Variants in CFAP100 observed in about 807,000 individuals in gnomAD.
The protein encoded by CFAP100 is cilia and flagella associated protein 100.
CFAP100 carries 70 observed loss-of-function variants against 81.5 expected under a neutral mutation model. The ratio of observed to expected loss-of-function variants is 0.86; its 90% CI spans 0.71 to 1.05. The LOEUF (loss-of-function observed/expected upper bound fraction) is 1.05, where lower values mean the gene tolerates loss of function less well. CFAP100 is among the 50% of genes least tolerant of loss of function. CFAP100 has a pLI of 0.00. For synonymous variants in CFAP100, 341 were observed against 314.8 expected (o/e 1.08, Z -0.88); for missense variants, 811 against 776.5 (o/e 1.04, Z -0.53).
rs776319316 is a variant in CFAP100 at position 126,436,453 on chromosome 3, G to C, written c.*49G>C. ...GGCTGAAGGCTTAGCAAAGATGTTG[G>C]CAGAGGAAGCAGAGACTGGGCTGGG... On this transcript the variant is annotated 3_prime_UTR_variant, in exon 17 of 17. Coordinates refer to ENST00000352312, the MANE Select transcript of CFAP100 (RefSeq NM_182628.3). 1 of 1,419,182 alleles carries C rather than the reference G, an allele frequency of 7.0e-7. No homozygotes were observed. 87.9% of individuals were successfully genotyped at this position (1,419,182 alleles called of 1,614,324 possible).
chr3:126,434,485 C>T lies in CFAP100; in HGVS notation c.1628+104C>T, dbSNP rs992776183. 2.4e-5 allele frequency: 27 copies of T among 1,118,726 alleles called. No homozygotes were observed. The Middle Eastern group carries it at 8.9e-4, about 37-fold the overall frequency. The allele number at this position is 1,118,726 out of a possible 1,614,324, so 69.3% of individuals were successfully genotyped here. On this transcript the variant is annotated intron_variant, in intron 15 of 16. Coordinates refer to ENST00000352312, the MANE Select transcript of CFAP100 (RefSeq NM_182628.3). ...CAAAGCACTCCCAGGAGACAGGCCC[C>T]TCCTGCTCTGTGCTATGAGAGACAA...
intron 13 of CFAP100, 138 bp downstream of exon 13, chr3:126,423,782 G>T (rs1017671877): frequency 9.1e-7 from 1 of 1,101,094 alleles, no homozygotes; most frequent in East Asian, 2.5e-5. Flanking sequence ...GAAAAGCTCC[G>T]AGCGAAGCTC....
chr3:126,424,312 G>A (rs2083379125), intron 13 of CFAP100, among the ~76,000 whole-genome samples: 1 of 152,226 alleles, frequency 6.6e-6, no homozygotes, highest in Non-Finnish European at 1.5e-5. Context: ...CCCAGGACTG[G>A]GGCCTCTGGG....
intron 2 of CFAP100, among the ~76,000 whole-genome samples, chr3:126,404,489 C>T (rs892970193): frequency 6.6e-6 from 1 of 152,160 alleles, no homozygotes; most frequent in Admixed American, 6.5e-5. Flanking sequence ...CTAAGGGGTC[C>T]TTTTCTCTCT....
chr3:126,434,457 C>T, intron 15 of CFAP100, 76 bp downstream of exon 15: 2 of 1,393,882 alleles, frequency 1.4e-6, no homozygotes. Context: ...CAGGCCCCAC[C>T]CTCAAAGCAC....
Position 126,401,400 on chromosome 3 carries a change from TATATATATATA to T in CFAP100, c.49+5352_49+5362del, listed in dbSNP as rs2082978338. ...GCATAAAATGGCAAATCGTATTTTA[TATATATATATA>T]TATATATATATATATATATATATAT... On this transcript the variant is annotated intron_variant, in intron 2 of 16. Coordinates refer to ENST00000352312, the MANE Select transcript of CFAP100 (RefSeq NM_182628.3). Among the ~76,000 whole-genome samples the T allele has an allele frequency of 5.0e-3, 204 of 40,988 alleles. 5 individuals carry two copies. The highest frequency in any genetic ancestry group is 0.035 in the Middle Eastern group (3 of 86). 26.9% of individuals were successfully genotyped at this position (40,988 alleles called of 152,430 possible). A position where few individuals can be genotyped will look rare whatever the true frequency, so the allele number is the denominator to read the frequency against.
chr3:126,410,286 A>T (rs571783286), intron 3 of CFAP100, among the ~76,000 whole-genome samples: 1 of 152,276 alleles, frequency 6.6e-6, no homozygotes, highest in South Asian at 2.1e-4. Flanking sequence ...TCTTATTTTA[A>T]AACTCTTTAG....
intron 3 of CFAP100, among the ~76,000 whole-genome samples, chr3:126,412,066 C>T (rs1172259691): frequency 1.3e-5 from 2 of 152,170 alleles, no homozygotes; most frequent in Admixed American, 6.5e-5. Context: ...CTCTTGGGAC[C>T]GCTTTTCTGT....
At chr3:126,408,492 G>T (rs1350152239) in intron 3 of CFAP100, among the ~76,000 whole-genome samples, 1 of 152,172 alleles carries the variant, frequency 6.6e-6, no homozygotes, top group Admixed American at 6.5e-5. Context: ...GTTGAGCAGT[G>T]GTGTCGCCTC....
In CFAP100 at chr3:126,396,049, A is replaced by G; in HGVS notation, c.49A>G (p.Lys17Glu). Residue 17 changes from lysine (K) to glutamate (E), a missense_variant and splice_region_variant, in exon 2 of 17, where the codon AAG becomes GAG. Coordinates refer to ENST00000352312, the MANE Select transcript of CFAP100 (RefSeq NM_182628.3). The stretch of plus-strand genomic sequence containing the variant: ...AGTCTCCAAGAACATGACCAATGAC[A>G]GTAAGTACCGGGCCAGGGTGGGCAC... Reference protein sequence around the residue: ...TIVSKNMTNDKNSLESMNISS... With the variant: ...TIVSKNMTNDENSLESMNISS... The G allele has an allele frequency of 1.9e-6, 3 of 1,613,788 alleles. No homozygotes were observed. The highest frequency in any genetic ancestry group is 2.5e-6 in the Non-Finnish European group (3 of 1,179,642).
At chr3:126,403,229 C>T (rs922779292) in intron 2 of CFAP100, among the ~76,000 whole-genome samples, 3 of 151,964 alleles carry the variant, frequency 2.0e-5, no homozygotes, top group African/African-American at 7.3e-5. Context: ...TCAGCAAATC[C>T]GCTGGGGCTG....
At position 126,416,195 on chromosome 3, in the gene CFAP100, G is replaced by C. The variant is rs2083235029; in HGVS notation, c.226-121G>C. 6.3e-6 allele frequency: 5 copies of C among 790,916 alleles called. No individual in the cohort carries two copies. In the East Asian group the frequency reaches 1.4e-4, roughly 22 times the overall value. 49.0% of individuals were successfully genotyped at this position (790,916 alleles called of 1,614,324 possible). On this transcript the variant is annotated intron_variant, in intron 4 of 16. Transcript: ENST00000352312. The stretch of plus-strand genomic sequence containing the variant: ...GCTTGGCTCTCAGCCCGGGACAGCA[G>C]TGTTCAGGTCCCCGCGTCCTCGCGC...
chr3:126,408,424 T>G (rs1475912164), intron 3 of CFAP100, among the ~76,000 whole-genome samples: 1 of 152,188 alleles, frequency 6.6e-6, no homozygotes, highest in African/African-American at 2.4e-5. Flanking sequence ...TCCTTCAGTC[T>G]CTGTGAATCT....
At chr3:126,434,464 G>A (rs1290906006) in intron 15 of CFAP100, 83 bp downstream of exon 15, 2 of 1,359,086 alleles carry the variant, frequency 1.5e-6, no homozygotes, top group African/African-American at 2.9e-5. Context: ...CACCCTCAAA[G>A]CACTCCCAGG....
intron 16 of CFAP100, 138 bp downstream of exon 16, chr3:126,435,790 C>T (rs1176715254): frequency 1.7e-5 from 11 of 650,354 alleles, no homozygotes; most frequent in African/African-American, 3.7e-5. Flanking sequence ...AGGCTGCCTT[C>T]GGAGCAAGGC....
intron 13 of CFAP100, among the ~76,000 whole-genome samples, chr3:126,427,972 G>T (rs1299271290): frequency 6.6e-6 from 1 of 152,162 alleles, no homozygotes; most frequent in Non-Finnish European, 1.5e-5. Flanking sequence ...CTCATGAGAA[G>T]TCACTCCTAT....
chr3:126,431,198 G>A (rs1361501802), intron 13 of CFAP100, among the ~76,000 whole-genome samples: 5 of 151,802 alleles, frequency 3.3e-5, no homozygotes, highest in African/African-American at 1.2e-4. Flanking sequence ...AGACAGGTGA[G>A]GTCTGCACAG....
intron 13 of CFAP100, among the ~76,000 whole-genome samples, chr3:126,431,569 T>G (rs781750368): frequency 2.0e-5 from 3 of 152,216 alleles, no homozygotes; most frequent in Non-Finnish European, 4.4e-5. Flanking sequence ...TCTGGAGCTC[T>G]GACAAAGACA....
At position 126,435,548 on chromosome 3, in the gene CFAP100, T is replaced by C; in HGVS notation, c.1629-11T>C. On this transcript the variant is annotated splice_polypyrimidine_tract_variant and intron_variant, in intron 15 of 16. Coordinates refer to ENST00000352312, the MANE Select transcript of CFAP100 (RefSeq NM_182628.3). ...TCCCCCCAGTTTTCAATGTCATTTC[T>C]TGCCACCCAGACTTCGAGAAGAGAA... 1 of 1,608,616 alleles carries C rather than the reference T, an allele frequency of 6.2e-7. No homozygotes were observed. The highest frequency in any genetic ancestry group is 8.5e-7 in the Non-Finnish European group (1 of 1,176,332).
Sources: gnomAD v4.1 joint callset for allele counts (sites outside exome capture counted in the v4.1 genomes callset) on GRCh38, gnomAD v4.1.1 for gene constraint, MANE v1.5 for transcripts, NCBI Gene and HGNC (gene_info 2026-07-23, HGNC 2026-07-21) for gene names.